MPDZ: variants seen among roughly 807,000 people sequenced by gnomAD.
MPDZ encodes multiple PDZ domain crumbs cell polarity complex component.
MPDZ carries 234 observed loss-of-function variants against 239.1 expected under a neutral mutation model. That is an observed-to-expected ratio of 0.98 (90% CI 0.88 to 1.09). The LOEUF (loss-of-function observed/expected upper bound fraction) is 1.09. Among genes scored for constraint, MPDZ ranks in the 50% least tolerant of loss-of-function variants. The pLI is 0.00. For missense variants in MPDZ, 3,175 were observed against 2,510.0 expected, an observed-to-expected ratio of 1.26 and a Z score of -5.66; for synonymous variants, 1,048 against 881.3, an observed-to-expected ratio of 1.19 and a Z score of -3.35.
At chr9:13,269,251 T>C (rs1031977669) in intron 1 of MPDZ, among the ~76,000 whole-genome samples, 13 of 152,274 alleles carry the variant, frequency 8.5e-5, no homozygotes, top group Admixed American at 8.5e-4. Flanking sequence ...AGCAGAAAGA[T>C]AAATATATGG....
chr9:13,236,982 C>A (rs1201029756), intron 3 of MPDZ, among the ~76,000 whole-genome samples: 1 of 151,890 alleles, frequency 6.6e-6, no homozygotes, highest in South Asian at 2.1e-4. Flanking sequence ...ATAGAATTGT[C>A]CAAGATACGC....
At chr9:13,158,860 T>C (rs1950137649) in intron 23 of MPDZ, among the ~76,000 whole-genome samples, 1 of 152,306 alleles carries the variant, frequency 6.6e-6, no homozygotes, top group African/African-American at 2.4e-5. Context: ...AAAGGAATAC[T>C]TTGTATCAAT....
At chr9:13,115,182 A>G in intron 40 of MPDZ, 66 bp downstream of exon 40, 1 of 1,376,540 alleles carries the variant, frequency 7.3e-7, no homozygotes, top group Non-Finnish European at 1.0e-6. Context: ...ACCCACAGTC[A>G]GGGCCATCTA....
rs1270714613 is a variant in MPDZ, at chr9:13,250,346, A to G, written c.-31T>C. 9 of 1,570,754 alleles carry G rather than the reference A, an allele frequency of 5.7e-6. No individual in the cohort carries two copies. The South Asian group carries it at 5.8e-5, about 10-fold the overall frequency. ...TCAAAGTTCAGTGTTCTTCTCTGAAATGATTAACAGCAATTAAAATGGAAC... is the reference window on the plus strand; with the variant it reads ...TCAAAGTTCAGTGTTCTTCTCTGAAGTGATTAACAGCAATTAAAATGGAAC... On this transcript the variant is annotated 5_prime_UTR_variant, in exon 2 of 47. Transcript: ENST00000319217.
At chr9:13,107,584 A>C (rs1941696390) in intron 46 of MPDZ, among the ~76,000 whole-genome samples, 1 of 152,190 alleles carries the variant, frequency 6.6e-6, no homozygotes, top group African/African-American at 2.4e-5. Flanking sequence ...AAGCCACCTG[A>C]ACATTCCCTA....
At chr9:13,204,918 T>G in intron 12 of MPDZ, 118 bp downstream of exon 12, 1 of 591,670 alleles carries the variant, frequency 1.7e-6, no homozygotes, top group Non-Finnish European at 2.6e-6. Flanking sequence ...AACTTCACTT[T>G]TTGAAATTTT....
chr9:13,234,124 G>GAT (rs1963300995), intron 3 of MPDZ, among the ~76,000 whole-genome samples: 1 of 151,858 alleles, frequency 6.6e-6, no homozygotes, highest in Non-Finnish European at 1.5e-5. Flanking sequence ...ACACTATTTT[G>GAT]ATATATGCTG....
chr9:13,270,312 C>A (rs1972679120), intron 1 of MPDZ, among the ~76,000 whole-genome samples: 1 of 152,130 alleles, frequency 6.6e-6, no homozygotes, highest in South Asian at 2.1e-4. Flanking sequence ...ATAAACATTA[C>A]AAATGACCCA....
At chr9:13,270,234 G>A (rs1231987465) in intron 1 of MPDZ, among the ~76,000 whole-genome samples, 2 of 152,148 alleles carry the variant, frequency 1.3e-5, no homozygotes, top group Non-Finnish European at 2.9e-5. Flanking sequence ...AAGGACATCT[G>A]CTTTAAATGT....
intron 3 of MPDZ, among the ~76,000 whole-genome samples, chr9:13,228,841 AGTT>A (rs1021406547): frequency 2.0e-5 from 3 of 152,200 alleles, no homozygotes; most frequent in Non-Finnish European, 4.4e-5. Flanking sequence ...TATATAATAA[AGTT>A]GTGCAATTAT....
At chr9:13,172,387 G>GCT (rs112932467) in intron 21 of MPDZ, among the ~76,000 whole-genome samples, 1 of 145,576 alleles carries the variant, frequency 6.9e-6, no homozygotes, top group Non-Finnish European at 1.5e-5. Flanking sequence ...TTTGTTTTTT[G>GCT]TTTTTTTTTT....
At chr9:13,194,447 C>G (rs1955372145) in intron 13 of MPDZ, among the ~76,000 whole-genome samples, 1 of 152,034 alleles carries the variant, frequency 6.6e-6, no homozygotes, top group African/African-American at 2.4e-5. Context: ...AACACAGGAA[C>G]AGAAAACCAA....
intron 32 of MPDZ, among the ~76,000 whole-genome samples, chr9:13,128,275 G>T (rs148821249): frequency 7.5e-4 from 114 of 152,310 alleles, no homozygotes; most frequent in African/African-American, 2.6e-3. Flanking sequence ...TCACAGCTAG[G>T]TCAAAAAAGG....
In MPDZ at chr9:13,222,188, C is replaced by T. The variant is rs1186908481; in HGVS notation, c.747+45G>A. 5.3e-6 allele frequency: 8 copies of T among 1,523,434 alleles called. No homozygotes were observed. The South Asian group carries it at 7.6e-5, about 14-fold the overall frequency. 94.4% of individuals were successfully genotyped at this position (1,523,434 alleles called of 1,614,324 possible). A position where few individuals can be genotyped will look rare whatever the true frequency, so the allele number is the denominator to read the frequency against. On this transcript the variant is annotated intron_variant, in intron 6 of 46. Coordinates refer to ENST00000319217, the MANE Select transcript of MPDZ (RefSeq NM_001378778.1). ...GAAACTTGGAGATAACCAAAAACAA[C>T]TTGAAAAATACGTTCTGTTCCTTTT...
chr9:13,193,316 G>GAAAAAAAAA lies in MPDZ; in HGVS notation c.1657-4_1657-3insTTTTTTTTT. 1 of 1,560,630 alleles carries GAAAAAAAAA rather than the reference G, an allele frequency of 6.4e-7. No individual in the cohort carries two copies. The highest frequency in any genetic ancestry group is 2.0e-5 in the Admixed American group (1 of 50,508). On this transcript the variant is annotated splice_polypyrimidine_tract_variant and splice_region_variant and intron_variant, in intron 13 of 46. Coordinates refer to ENST00000319217, the MANE Select transcript of MPDZ (RefSeq NM_001378778.1). ...CTAAACTTGCTCACATGGGCCACCTGAAAAGAAAAAAAAAAAGATCACCAC... is the reference window on the plus strand; with the variant it reads ...CTAAACTTGCTCACATGGGCCACCTGAAAAAAAAAAAAAGAAAAAAAAAAAGATCACCAC...
At position 13,190,145 on chromosome 9, in the gene MPDZ, T is replaced by A; in HGVS notation, c.2123A>T (p.Lys708Ile). Residue 708 changes from lysine (K) to isoleucine (I), a missense_variant, in exon 16 of 47, where the codon AAA (lysine) becomes ATA (isoleucine). Transcript: ENST00000319217. ...ATCTAAAATGCTAAAACCAAGTCCTTTGCTCCCTTTCTCCAGCTCTATGTG... is the reference window on the plus strand; with the variant it reads ...ATCTAAAATGCTAAAACCAAGTCCTATGCTCCCTTTCTCCAGCTCTATGTG... ...IQHIELEKGS[K>I]GLGFSILDYQ... 1 of 1,613,100 alleles carries A rather than the reference T, an allele frequency of 6.2e-7. No homozygotes were observed. Among genetic ancestry groups the A allele is most frequent in the Middle Eastern group, 1.7e-4 (1 of 6,056 alleles).
chr9:13,261,787 T>G (rs1727740371), intron 1 of MPDZ, among the ~76,000 whole-genome samples: 1 of 151,170 alleles, frequency 6.6e-6, no homozygotes, highest in Admixed American at 6.6e-5. Flanking sequence ...AGCCCAGCAT[T>G]TTGAGAAGCC....
chr9:13,110,780 C>T, intron 43 of MPDZ, 40 bp from the exon 44 acceptor site: 1 of 1,500,658 alleles, frequency 6.7e-7, no homozygotes, highest in Non-Finnish European at 9.2e-7. Context: ...GCTAAAGCAG[C>T]CATGGAGAGT....
rs1354826146 is a variant in MPDZ at position 13,110,685 on chromosome 9, G to A, written c.5780C>T (p.Thr1927Ile). 6.2e-7 allele frequency: 1 copy of A among 1,613,610 alleles called. No homozygotes were observed. Among genetic ancestry groups the A allele is most frequent in the Admixed American group, 1.7e-5 (1 of 59,950 alleles). ...CGTSTEGMTH[T>I]QAVNLLKNAS... is the part of the protein sequence containing the mutation. Reference sequence around the variant, plus strand: ...ATTTTTCAGTAGGTTAACTGCTTGGGTGTGAGTCATGCCCTCAGTGGATGT... The same window carrying A: ...ATTTTTCAGTAGGTTAACTGCTTGGATGTGAGTCATGCCCTCAGTGGATGT... Residue 1927 changes from threonine (T) to isoleucine (I), a missense_variant, in exon 44 of 47, where the codon ACC becomes ATC. By Grantham distance (89) the Thr-to-Ile change is moderately conservative (BLOSUM62 -1). Transcript: ENST00000319217.
Sources: gnomAD v4.1 joint callset for allele counts (sites outside exome capture counted in the v4.1 genomes callset) on GRCh38, gnomAD v4.1.1 for gene constraint, MANE v1.5 for transcripts, NCBI Gene and HGNC (gene_info 2026-07-23, HGNC 2026-07-21) for gene names.